The following BPIFC variants were observed in gnomAD, a reference collection of about 807,000 sequenced individuals.
BPIFC encodes BPI fold-containing family C protein.
In BPIFC, 60 loss-of-function variants were observed where a neutral mutation model predicts 57.6. The ratio of observed to expected loss-of-function variants is 1.04; its 90% CI spans 0.85 to 1.29. The LOEUF is 1.29. Ranked by LOEUF, BPIFC falls within the 50% of genes most tolerant of loss-of-function variation. The pLI is 0.00. For missense variants in BPIFC, 581 were observed against 600.5 expected, an observed-to-expected ratio of 0.97 and a Z score of 0.34; for synonymous variants, 243 against 224.5, an observed-to-expected ratio of 1.08 and a Z score of -0.74.
intron 12 of BPIFC, among the ~76,000 whole-genome samples, chr22:32,431,813 C>G (rs752854862): frequency 2.6e-5 from 4 of 151,996 alleles, no homozygotes; most frequent in Non-Finnish European, 4.4e-5. Flanking sequence ...GAGAGAATTC[C>G]AGCTGTCCAT....
At chr22:32,419,641 T>TA (rs1305563886) in intron 13 of BPIFC, among the ~76,000 whole-genome samples, 2 of 151,354 alleles carry the variant, frequency 1.3e-5, no homozygotes, top group Non-Finnish European at 2.9e-5. Flanking sequence ...CTGACTCTAC[T>TA]AAAAAAATGC....
rs115972692 is a variant in BPIFC at position 32,425,790 on chromosome 22, C to T, written c.1217+5557G>A. ...TCCTGGAGGTAGGTACTATTATTCC[C>T]GTTTTATGCTTTATGGAGATTAAAT... On this transcript the variant is annotated intron_variant, in intron 13 of 16. Coordinates refer to ENST00000300399, the MANE Select transcript of BPIFC (RefSeq NM_174932.3). Among the ~76,000 whole-genome samples, 519 of 152,202 alleles carry T rather than the reference C, an allele frequency of 3.4e-3. 1 individual carries two copies. Among genetic ancestry groups the T allele is most frequent in the African/African-American group, 0.012 (493 of 41,546 alleles).
At chr22:32,425,552 C>G (rs545431000) in intron 13 of BPIFC, among the ~76,000 whole-genome samples, 1 of 152,286 alleles carries the variant, frequency 6.6e-6, no homozygotes, top group East Asian at 1.9e-4. Flanking sequence ...CTGGCTGAGG[C>G]TATCTCTAAA....
chr22:32,460,282 C>A (rs976512944), intron 2 of BPIFC, among the ~76,000 whole-genome samples: 2 of 152,144 alleles, frequency 1.3e-5, no homozygotes, highest in Non-Finnish European at 2.9e-5. Flanking sequence ...TTAGGAAAAC[C>A]CCACACCAGT....
At chr22:32,463,098 G>T (rs1440125662) in intron 1 of BPIFC, among the ~76,000 whole-genome samples, 2 of 152,168 alleles carry the variant, frequency 1.3e-5, no homozygotes, top group African/African-American at 4.8e-5. Context: ...AAAATTACAG[G>T]CAGGAAAACA....
chr22:32,460,629 T>C (rs541846181), intron 2 of BPIFC, among the ~76,000 whole-genome samples: 1 of 152,344 alleles, frequency 6.6e-6, no homozygotes, highest in Non-Finnish European at 1.5e-5. Flanking sequence ...ATTGCCTATG[T>C]TTTTCCCCTC....
chr22:32,445,205 C>T (rs887514673), intron 7 of BPIFC, among the ~76,000 whole-genome samples: 1 of 152,182 alleles, frequency 6.6e-6, no homozygotes. Flanking sequence ...GTGCCTAGCA[C>T]ACAGTAGATG....
chr22:32,455,480 C>G (rs1270960060), intron 3 of BPIFC, among the ~76,000 whole-genome samples: 1 of 152,152 alleles, frequency 6.6e-6, no homozygotes, highest in Non-Finnish European at 1.5e-5. Flanking sequence ...CCTGTCTATG[C>G]TAGGACTCCA....
chr22:32,445,368 T>G (rs2076031), intron 7 of BPIFC, among the ~76,000 whole-genome samples: 38,904 of 151,826 alleles, frequency 0.26, 5,121 homozygotes, highest in Middle Eastern at 0.33. Flanking sequence ...AAACCCCGTC[T>G]CTACTAAAAA....
chr22:32,461,648 T>C lies in BPIFC; in HGVS notation c.-75A>G, dbSNP rs1218746833. The C allele has an allele frequency of 1.0e-6, 1 of 985,284 alleles. No individual in the cohort carries two copies. Among genetic ancestry groups the C allele is most frequent in the Admixed American group, 6.2e-5 (1 of 16,248 alleles). The allele number at this position is 985,284 out of a possible 1,614,324, so 61.0% of individuals were successfully genotyped here. A position where few individuals can be genotyped will look rare whatever the true frequency, so the allele number is the denominator to read the frequency against. On this transcript the variant is annotated 5_prime_UTR_variant, in exon 2 of 17. Transcript: ENST00000300399. ...TTGATCCTTTAGTTGCCCTTGGAGG[T>C]TAGTCAAGGTGTCCTGGAAAGGGGG...
intron 2 of BPIFC, 135 bp from the exon 3 acceptor site, chr22:32,457,521 T>TCATCCATC (rs879198542): frequency 1.0e-6 from 1 of 960,300 alleles, no homozygotes; most frequent in South Asian, 1.7e-5. Context: ...ATCCATCCAT[T>TCATCCATC]CATCCATCCA....
At chr22:32,433,684 A>G in intron 11 of BPIFC, 35 bp downstream of exon 11, 2 of 1,601,544 alleles carry the variant, frequency 1.2e-6, no homozygotes, top group East Asian at 2.2e-5. Context: ...AATGGAGCCA[A>G]ATACACTATC....
chr22:32,415,871 TA>T, intron 16 of BPIFC, 43 bp downstream of exon 16: 1 of 1,386,774 alleles, frequency 7.2e-7, no homozygotes, highest in Non-Finnish European at 9.8e-7. Flanking sequence ...TAGTCTACTA[TA>T]AAAAGAAATG....
chr22:32,461,670 G>A lies in BPIFC; in HGVS notation c.-88-9C>T. The A allele has an allele frequency of 4.1e-6, 4 of 984,938 alleles. No individual in the cohort carries two copies. The highest frequency in any genetic ancestry group is 4.8e-6 in the Non-Finnish European group (4 of 829,492). 61.0% of individuals were successfully genotyped at this position (984,938 alleles called of 1,614,324 possible). ...AGGTTAGTCAAGGTGTCCTGGAAAG[G>A]GGGATAAGTAGAGATGAACTATGGG... On this transcript the variant is annotated splice_polypyrimidine_tract_variant and intron_variant, in intron 1 of 16. Coordinates refer to ENST00000300399, the MANE Select transcript of BPIFC (RefSeq NM_174932.3).
At chr22:32,423,171 G>A (rs142120234) in intron 13 of BPIFC, among the ~76,000 whole-genome samples, 78 of 152,254 alleles carry the variant, frequency 5.1e-4, no homozygotes, top group African/African-American at 1.7e-3. Flanking sequence ...AACCTCAGAC[G>A]GTGGATTTAA....
chr22:32,439,252 G>A (rs1601465389), intron 8 of BPIFC, among the ~76,000 whole-genome samples: 1 of 152,116 alleles, frequency 6.6e-6, no homozygotes, highest in Admixed American at 6.6e-5. Flanking sequence ...TTGAACCCAG[G>A]AGGCGCAGGT....
At chr22:32,428,539 G>A (rs1432104233) in intron 13 of BPIFC, among the ~76,000 whole-genome samples, 1 of 152,128 alleles carries the variant, frequency 6.6e-6, no homozygotes, top group Admixed American at 6.5e-5. Flanking sequence ...GTAAATGCGA[G>A]TAAACCTTCG....
intron 1 of BPIFC, among the ~76,000 whole-genome samples, chr22:32,463,469 G>A (rs991135829): frequency 2.0e-5 from 3 of 152,130 alleles, no homozygotes; most frequent in African/African-American, 7.2e-5. Context: ...GTCCTTGTGT[G>A]AGTCATCCTG....
intron 13 of BPIFC, among the ~76,000 whole-genome samples, chr22:32,428,809 G>T (rs1934145925): frequency 6.6e-6 from 1 of 152,060 alleles, no homozygotes; most frequent in Non-Finnish European, 1.5e-5. Flanking sequence ...TGAGGCAGGA[G>T]AATCACTTGA....
Sources: allele counts gnomAD v4.1 joint callset (sites outside exome capture counted in the v4.1 genomes callset), GRCh38; gene constraint gnomAD v4.1.1; transcripts MANE v1.5; gene names NCBI Gene and HGNC (gene_info 2026-07-23, HGNC 2026-07-21).